SHANK2: variants seen among roughly 807,000 people sequenced by gnomAD.
SHANK2 encodes SH3 and multiple ankyrin repeat domains 2, also known as SH3 and multiple ankyrin repeat domains protein 2.
In SHANK2, 43 loss-of-function variants were observed where a neutral mutation model predicts 133.7. The ratio of observed to expected loss-of-function variants is 0.32; its 90% CI spans 0.25 to 0.41. The LOEUF (loss-of-function observed/expected upper bound fraction) is 0.41, where lower values mean the gene tolerates loss of function less well. Ranked by LOEUF, SHANK2 falls within the 10% of genes least tolerant of loss-of-function variation. The probability of loss-of-function intolerance (pLI) is 1.00; values close to 1 mark genes in which losing one functional copy is unlikely to be tolerated. For synonymous variants in SHANK2, 1,017 were observed against 952.8 expected (o/e 1.07, Z -1.24); for missense variants, 1,994 against 2,235.8 (o/e 0.89, Z 2.18).
intron 17 of SHANK2, among the ~76,000 whole-genome samples, chr11:70,627,059 T>A (rs1301319150): frequency 2.6e-5 from 4 of 151,712 alleles, no homozygotes; most frequent in African/African-American, 4.8e-5. Context: ...GGCGTGGGGG[T>A]GGCATGGTGT....
intron 11 of SHANK2, among the ~76,000 whole-genome samples, chr11:70,823,735 A>G: frequency 6.7e-6 from 1 of 148,228 alleles, no homozygotes; most frequent in South Asian, 2.2e-4. Context: ...CTCATGAGGG[A>G]CAGAGGTGGC....
At chr11:71,157,573 A>C (rs528744672) in intron 2 of SHANK2, among the ~76,000 whole-genome samples, 2 of 152,288 alleles carry the variant, frequency 1.3e-5, no homozygotes, top group African/African-American at 4.8e-5. Flanking sequence ...TTCTGCTAGA[A>C]AAGCCAGAGA....
chr11:70,891,140 C>T (rs985400218), intron 11 of SHANK2, among the ~76,000 whole-genome samples: 5 of 152,150 alleles, frequency 3.3e-5, no homozygotes, highest in African/African-American at 4.8e-5. Flanking sequence ...TCAGCGTATG[C>T]GGGCTCCTCT....
intron 11 of SHANK2, among the ~76,000 whole-genome samples, chr11:70,853,641 A>G (rs1331321409): frequency 6.6e-5 from 10 of 152,212 alleles, no homozygotes; most frequent in African/African-American, 2.4e-4. Context: ...GGAGGGAGAC[A>G]GAGTGAAAAT....
intron 14 of SHANK2, among the ~76,000 whole-genome samples, chr11:70,783,043 GCA>G (rs1555045564): frequency 1.3e-5 from 2 of 152,262 alleles, no homozygotes; most frequent in African/African-American, 2.4e-5. Context: ...AGAAGAGATA[GCA>G]CAGTGCTCTT....
chr11:71,133,346 A>ATGGATGGCTGGCTGTCTGGCTGGCTGGC (rs1172807204), intron 3 of SHANK2, among the ~76,000 whole-genome samples: 5 of 111,890 alleles, frequency 4.5e-5, no homozygotes, highest in African/African-American at 1.8e-4. Flanking sequence ...GGGAGGATGC[A>ATGGATGGCTGGCTGTCTGGCTGGCTGGC]TGGCTGGCTG....
intron 17 of SHANK2, among the ~76,000 whole-genome samples, chr11:70,530,239 C>T (rs1366925549): frequency 2.0e-5 from 3 of 152,192 alleles, no homozygotes; most frequent in Admixed American, 2.0e-4. Flanking sequence ...AAGGAGGAGG[C>T]CGGGCACCGT....
chr11:70,800,443 T>C lies in SHANK2; in HGVS notation c.1664-1887A>G, dbSNP rs117764456. Reference sequence around the variant, plus strand: ...ATTTCTCCACATCTTTACCTTCTTTTAAATTACTCAGGATCCAAAGGCAAC... The same window carrying C: ...ATTTCTCCACATCTTTACCTTCTTTCAAATTACTCAGGATCCAAAGGCAAC... On this transcript the variant is annotated intron_variant, in intron 13 of 25. Transcript: ENST00000601538. 4.2e-3 allele frequency among the ~76,000 whole-genome samples: 637 copies of C among 152,334 alleles called. 13 individuals are homozygous for C. The East Asian group carries it at 0.044, about 11-fold the overall frequency.
chr11:71,221,451 C>G (rs926590091), intron 2 of SHANK2, among the ~76,000 whole-genome samples: 3 of 152,220 alleles, frequency 2.0e-5, no homozygotes, highest in East Asian at 3.9e-4. Flanking sequence ...GCCGCTTGAT[C>G]CCCTGTTTCC....
chr11:70,664,955 G>C (rs184795283), intron 15 of SHANK2, among the ~76,000 whole-genome samples: 3 of 152,106 alleles, frequency 2.0e-5, no homozygotes, highest in South Asian at 2.1e-4. Context: ...CCGTGGAGTC[G>C]TGCATCCATG....
chr11:70,759,924 G>A lies in SHANK2; in HGVS notation c.1777+38519C>T, dbSNP rs1025712232. ...AAGAAACCACTGGCCAAAGACTGAGGCATGGGACGGATTCTACCTCGGAGC... is the reference window on the plus strand; with the variant it reads ...AAGAAACCACTGGCCAAAGACTGAGACATGGGACGGATTCTACCTCGGAGC... On this transcript the variant is annotated intron_variant, in intron 14 of 25. Coordinates refer to ENST00000601538, the MANE Select transcript of SHANK2 (RefSeq NM_012309.5). Among the ~76,000 whole-genome samples the A allele has an allele frequency of 8.5e-5, 13 of 152,194 alleles. No homozygotes were observed. The East Asian group carries it at 2.3e-3, about 27-fold the overall frequency.
intron 17 of SHANK2, among the ~76,000 whole-genome samples, chr11:70,591,763 T>C (rs930561759): frequency 6.6e-6 from 1 of 152,124 alleles, no homozygotes; most frequent in Non-Finnish European, 1.5e-5. Flanking sequence ...ACACCTGTAA[T>C]CCCAGCACTT....
intron 10 of SHANK2, among the ~76,000 whole-genome samples, chr11:70,900,834 G>A (rs1950012674): frequency 6.6e-6 from 1 of 152,068 alleles, no homozygotes. Context: ...GAAGGAAGAG[G>A]GAACTGGGTC....
intron 17 of SHANK2, among the ~76,000 whole-genome samples, chr11:70,592,050 TA>T (rs35081367): frequency 0.19 from 29,030 of 151,120 alleles, 3,103 homozygotes; most frequent in East Asian, 0.41. Context: ...AATAAATAAA[TA>T]AAAAATAAAA....
chr11:70,861,860 G>A (rs1555067853), intron 11 of SHANK2, among the ~76,000 whole-genome samples: 1 of 152,160 alleles, frequency 6.6e-6, no homozygotes, highest in Non-Finnish European at 1.5e-5. Context: ...GATCCAACTG[G>A]GAGGAGAACC....
Position 70,900,352 on chromosome 11 carries a change from C to CA in SHANK2, c.1108-3786dup, listed in dbSNP as rs113157970. Among the ~76,000 whole-genome samples, 794 of 132,464 alleles carry CA rather than the reference C, an allele frequency of 6.0e-3. 1 individual carries two copies. Among genetic ancestry groups the CA allele is most frequent in the African/African-American group, 0.018 (631 of 36,054 alleles). 86.9% of individuals were successfully genotyped at this position (132,464 alleles called of 152,430 possible). ...TCGGTGACACAGCGAGACTCGGTGT[C>CA]AAAAAAAAAAAAAAGTTTGCTATGA... is the stretch of plus-strand genomic sequence containing the variant. On this transcript the variant is annotated intron_variant, in intron 10 of 25. Coordinates refer to ENST00000601538, the MANE Select transcript of SHANK2 (RefSeq NM_012309.5).
At chr11:70,598,187 C>A (rs572583119) in intron 17 of SHANK2, among the ~76,000 whole-genome samples, 1 of 152,136 alleles carries the variant, frequency 6.6e-6, no homozygotes, top group Non-Finnish European at 1.5e-5. Flanking sequence ...CAGCTGCAGG[C>A]GATGGGGCGG....
intron 10 of SHANK2, among the ~76,000 whole-genome samples, chr11:70,945,219 T>C (rs547233549): frequency 3.9e-5 from 6 of 152,258 alleles, no homozygotes; most frequent in Non-Finnish European, 7.4e-5. Flanking sequence ...AGATGAACCA[T>C]AAGATCCTTG....
chr11:70,782,272 G>GT (rs1947515656), intron 14 of SHANK2, among the ~76,000 whole-genome samples: 1 of 152,246 alleles, frequency 6.6e-6, no homozygotes, highest in East Asian at 1.9e-4. Flanking sequence ...GGCCAGGCTG[G>GT]TCTTAAATTC....
Sources: gnomAD v4.1 joint callset for allele counts (sites outside exome capture counted in the v4.1 genomes callset) on GRCh38, gnomAD v4.1.1 for gene constraint, MANE v1.5 for transcripts, NCBI Gene and HGNC (gene_info 2026-07-23, HGNC 2026-07-21) for gene names.